NCKAP5: variants seen among roughly 807,000 people sequenced by gnomAD.
The protein encoded by NCKAP5 is NCK associated protein 5, also known as nck-associated protein 5.
In NCKAP5, 92 loss-of-function variants were observed where a neutral mutation model predicts 167.0. The ratio of observed to expected loss-of-function variants is 0.55; its 90% CI spans 0.47 to 0.66. The LOEUF is 0.66. Among genes scored for constraint, NCKAP5 ranks in the 30% least tolerant of loss-of-function variants. The pLI is 0.00. For synonymous variants in NCKAP5, 891 were observed against 877.4 expected (o/e 1.02, Z -0.27); for missense variants, 2,378 against 2,315.0 (o/e 1.03, Z -0.56).
intron 3 of NCKAP5, among the ~76,000 whole-genome samples, chr2:133,416,643 CT>C (rs1689125418): frequency 6.6e-6 from 1 of 150,620 alleles, no homozygotes; most frequent in African/African-American, 2.5e-5. Context: ...AAATAATCTG[CT>C]TTGGCATTAT....
intron 3 of NCKAP5, among the ~76,000 whole-genome samples, chr2:133,460,952 T>A (rs1014348365): frequency 6.6e-6 from 1 of 152,228 alleles, no homozygotes; most frequent in African/African-American, 2.4e-5. Flanking sequence ...TCTTTTGATA[T>A]AATACAAAGA....
In NCKAP5 at chr2:133,059,230, G is replaced by C. The variant is rs542719104; in HGVS notation, c.342-64991C>G. On this transcript the variant is annotated intron_variant, in intron 6 of 19. Transcript: ENST00000409261. ...CAGGAGAATGGCATGAACCCAGGAAGGGGAGCTTGCAGTGAGCCGAGATCG... is the reference window on the plus strand; with the variant it reads ...CAGGAGAATGGCATGAACCCAGGAACGGGAGCTTGCAGTGAGCCGAGATCG... Among the ~76,000 whole-genome samples the C allele has an allele frequency of 3.9e-5, 6 of 152,238 alleles. No individual in the cohort carries two copies. In the South Asian group the frequency reaches 1.2e-3, roughly 32 times the overall value.
At chr2:133,418,743 T>C (rs1331155051) in intron 3 of NCKAP5, among the ~76,000 whole-genome samples, 1 of 152,198 alleles carries the variant, frequency 6.6e-6, no homozygotes, top group African/African-American at 2.4e-5. Flanking sequence ...CGTTTCTCCA[T>C]GAAATCTTCA....
rs539651102 is a variant in NCKAP5, at chr2:133,102,559, T to G, written c.341+27419A>C. 3.3e-5 allele frequency among the ~76,000 whole-genome samples: 5 copies of G among 152,288 alleles called. No individual in the cohort carries two copies. The South Asian group carries it at 1.0e-3, about 32-fold the overall frequency. ...TGTTAATTAGCTTCCTGAAAATATT[T>G]TGTAAACTGCTATTTGTCCAAGATC... On this transcript the variant is annotated intron_variant, in intron 6 of 19. Coordinates refer to ENST00000409261, the MANE Select transcript of NCKAP5 (RefSeq NM_207363.3).
At chr2:132,739,825 A>C (rs1400204587) in intron 16 of NCKAP5, among the ~76,000 whole-genome samples, 2 of 152,212 alleles carry the variant, frequency 1.3e-5, no homozygotes, top group Admixed American at 1.3e-4. Flanking sequence ...AATCTGCCTC[A>C]TGTAGAGAAA....
At position 133,094,170 on chromosome 2, in the gene NCKAP5, G is replaced by A. The variant is rs1050474260; in HGVS notation, c.341+35808C>T. ...GCACCAACTAGTGAACATTGTCGCC[G>A]GATAATACCATGAAGAATTAGACTG... On this transcript the variant is annotated intron_variant, in intron 6 of 19. Coordinates refer to ENST00000409261, the MANE Select transcript of NCKAP5 (RefSeq NM_207363.3). Among the ~76,000 whole-genome samples the A allele has an allele frequency of 4.6e-5, 7 of 152,122 alleles. No individual in the cohort carries two copies. The South Asian group carries it at 1.0e-3, about 23-fold the overall frequency.
chr2:133,674,363 A>T, the NCKAP5 span, among the ~76,000 whole-genome samples: 1 of 152,228 alleles, frequency 6.6e-6, no homozygotes, highest in Non-Finnish European at 1.5e-5. Context: ...GGTTCCAAGG[A>T]GGAATTAATC....
rs370111996 is a variant in NCKAP5, at chr2:132,774,912, C to T, written c.5050-1018G>A. Among the ~76,000 whole-genome samples the T allele has an allele frequency of 1.3e-4, 20 of 152,298 alleles. No individual in the cohort carries two copies. The East Asian group carries it at 2.5e-3, about 19-fold the overall frequency. On this transcript the variant is annotated intron_variant, in intron 15 of 19. Coordinates refer to ENST00000409261, the MANE Select transcript of NCKAP5 (RefSeq NM_207363.3). The stretch of plus-strand genomic sequence containing the variant: ...CAAAATGGTGGCACTGGGATTTAAA[C>T]GCAACAAATCTGACTCCGGATTTGT...
intron 3 of NCKAP5, among the ~76,000 whole-genome samples, chr2:133,496,845 TA>T (rs1311439520): frequency 6.6e-6 from 1 of 152,018 alleles, no homozygotes; most frequent in East Asian, 1.9e-4. Flanking sequence ...GTTGTTTTAT[TA>T]AAAAAAACTT....
intron 3 of NCKAP5, among the ~76,000 whole-genome samples, chr2:133,515,588 C>T (rs1372516172): frequency 6.6e-6 from 1 of 152,230 alleles, no homozygotes; most frequent in Non-Finnish European, 1.5e-5. Context: ...AACATATTTG[C>T]AGCCCTCAAC....
chr2:133,485,783 T>C (rs1043570623), intron 3 of NCKAP5, among the ~76,000 whole-genome samples: 3 of 151,616 alleles, frequency 2.0e-5, no homozygotes, highest in African/African-American at 4.9e-5. Flanking sequence ...ATACTGGGGG[T>C]GGGGAGGAGG....
Position 132,785,121 on chromosome 2 carries a change from C to A in NCKAP5, c.1690G>T (p.Gly564Cys). ...VQTPQVQRER[G>C]PQGQGHGRMA... ...CGGCCATGGCCTTGGCCCTGTGGGCCCCTCTCCCTCTGTACCTGAGGCGTC... is the reference window on the plus strand; with the variant it reads ...CGGCCATGGCCTTGGCCCTGTGGGCACCTCTCCCTCTGTACCTGAGGCGTC... Residue 564 changes from glycine (G) to cysteine (C), a missense_variant, in exon 14 of 20, where the codon GGC becomes TGC. Coordinates refer to ENST00000409261, the MANE Select transcript of NCKAP5 (RefSeq NM_207363.3). 6.2e-7 allele frequency: 1 copy of A among 1,613,622 alleles called. No individual in the cohort carries two copies.
the NCKAP5 span, among the ~76,000 whole-genome samples, chr2:133,614,978 G>C: frequency 1.3e-5 from 2 of 152,182 alleles, no homozygotes; most frequent in East Asian, 1.9e-4. Context: ...AGCCAGAAGA[G>C]AGTGGGGGCC....
chr2:132,692,383 C>T (rs1686845159), intron 19 of NCKAP5, among the ~76,000 whole-genome samples: 1 of 152,046 alleles, frequency 6.6e-6, no homozygotes. Flanking sequence ...GAACTGCTGA[C>T]CTCAGGTGAT....
At chr2:133,468,760 T>C (rs1692803908) in intron 3 of NCKAP5, among the ~76,000 whole-genome samples, 1 of 152,256 alleles carries the variant, frequency 6.6e-6, no homozygotes, top group East Asian at 1.9e-4. Context: ...TTTACCATTA[T>C]GTAATGGCCA....
chr2:132,852,134 A>G lies in NCKAP5; in HGVS notation c.807+8358T>C, dbSNP rs182107662. The stretch of plus-strand genomic sequence containing the variant: ...TATTTATCCAAAACTCAGAATGAAA[A>G]TGTAGTGCTTAATAACAATTTTTAC... On this transcript the variant is annotated intron_variant, in intron 11 of 19. Transcript: ENST00000409261. Among the ~76,000 whole-genome samples the G allele has an allele frequency of 6.5e-4, 99 of 152,276 alleles. No homozygotes were observed. The Middle Eastern group carries it at 0.017, about 26-fold the overall frequency.
intron 3 of NCKAP5, among the ~76,000 whole-genome samples, chr2:133,347,805 C>T (rs1449474048): frequency 6.6e-6 from 1 of 152,160 alleles, no homozygotes; most frequent in Non-Finnish European, 1.5e-5. Context: ...TTCTGACCTA[C>T]AAGGCTGGGC....
intron 4 of NCKAP5, among the ~76,000 whole-genome samples, chr2:133,219,034 C>T (rs1184117202): frequency 6.6e-6 from 1 of 152,190 alleles, no homozygotes; most frequent in Non-Finnish European, 1.5e-5. Context: ...TGAATCAACA[C>T]GAATGGGCTA....
intron 6 of NCKAP5, among the ~76,000 whole-genome samples, chr2:132,997,667 G>A (rs1199987470): frequency 1.3e-5 from 2 of 151,906 alleles, no homozygotes; most frequent in African/African-American, 2.4e-5. Context: ...TGGTATTCAG[G>A]AAAATGGTTT....
Sources: gnomAD v4.1 joint callset for allele counts (sites outside exome capture counted in the v4.1 genomes callset) on GRCh38, gnomAD v4.1.1 for gene constraint, MANE v1.5 for transcripts, NCBI Gene and HGNC (gene_info 2026-07-23, HGNC 2026-07-21) for gene names.